The following EGF variants were observed in gnomAD, a reference collection of about 807,000 sequenced individuals.
EGF encodes pro-epidermal growth factor.
EGF carries 95 observed loss-of-function variants against 143.8 expected under a neutral mutation model. The ratio of observed to expected loss-of-function variants is 0.66; its 90% CI spans 0.56 to 0.78. EGF has a LOEUF of 0.78. Among genes scored for constraint, EGF ranks in the 30% least tolerant of loss-of-function variants. The pLI, the probability that EGF is intolerant of heterozygous loss-of-function variation, is 0.00. For missense variants in EGF, 1,320 were observed against 1,470.9 expected, an observed-to-expected ratio of 0.90 and a Z score of 1.68; for synonymous variants, 510 against 510.5, an observed-to-expected ratio of 1.00 and a Z score of 0.01.
intron 1 of EGF, 53 bp from the exon 2 acceptor site, chr4:109,940,893 A>T: frequency 6.5e-7 from 1 of 1,549,166 alleles, no homozygotes. Context: ...TATTTTGTTT[A>T]AATGAGATAA....
At chr4:109,933,533 G>A (rs550386733) in intron 1 of EGF, among the ~76,000 whole-genome samples, 2 of 151,106 alleles carry the variant, frequency 1.3e-5, no homozygotes, top group African/African-American at 4.9e-5. Flanking sequence ...TCAACTCGTC[G>A]TTTACATTAG....
intron 2 of EGF, among the ~76,000 whole-genome samples, chr4:109,942,457 G>A (rs371562909): frequency 4.3e-4 from 65 of 152,336 alleles, no homozygotes; most frequent in African/African-American, 1.5e-3. Context: ...AGGCTTATGA[G>A]ATTATGCAAT....
chr4:109,930,120 AT>A (rs1739431748), intron 1 of EGF, among the ~76,000 whole-genome samples: 1 of 151,994 alleles, frequency 6.6e-6, no homozygotes, highest in Non-Finnish European at 1.5e-5. Flanking sequence ...CATGATTGTA[AT>A]TTTCCTGAGG....
At chr4:110,010,864 C>T (rs1753907500) in intron 23 of EGF, among the ~76,000 whole-genome samples, 1 of 152,032 alleles carries the variant, frequency 6.6e-6, no homozygotes, top group Non-Finnish European at 1.5e-5. Flanking sequence ...AGTTCAAAAC[C>T]AGCCTGGCTA....
rs11569030 is a variant in EGF, at chr4:109,983,561, C to A, written c.2491+20C>A. Reference sequence around the variant, plus strand: ...TGTCAGGTATGAATAACTAGTTCTCCAATATACCTTTGGTTCCAACAGTTT... The same window carrying A: ...TGTCAGGTATGAATAACTAGTTCTCAAATATACCTTTGGTTCCAACAGTTT... On this transcript the variant is annotated intron_variant, in intron 16 of 23. Transcript: ENST00000265171. The A allele has an allele frequency of 3.0e-4, 478 of 1,613,118 alleles. No homozygotes were observed. In the African/African-American group the frequency reaches 5.7e-3, roughly 19 times the overall value.
chr4:109,934,960 T>C (rs1313740852), intron 1 of EGF, among the ~76,000 whole-genome samples: 2 of 152,194 alleles, frequency 1.3e-5, no homozygotes, highest in Admixed American at 6.5e-5. Context: ...TTTTGGTTAC[T>C]GTAGCCTTGT....
intron 1 of EGF, among the ~76,000 whole-genome samples, chr4:109,935,074 A>G (rs981576606): frequency 6.6e-6 from 1 of 152,178 alleles, no homozygotes; most frequent in African/African-American, 2.4e-5. Flanking sequence ...TGAACTTTAA[A>G]GTAGTTTTTT....
chr4:109,960,783 T>A, intron 6 of EGF, 84 bp from the exon 7 acceptor site: 4 of 1,512,158 alleles, frequency 2.6e-6, no homozygotes, highest in Non-Finnish European at 3.7e-6. Context: ...TGAGATACCC[T>A]GCGTTGTGAT....
intron 4 of EGF, 115 bp downstream of exon 4, chr4:109,944,184 T>A (rs933326548): frequency 8.2e-7 from 1 of 1,220,560 alleles, no homozygotes; most frequent in Non-Finnish European, 1.2e-6. Flanking sequence ...AGATTTTGAA[T>A]CCAAAAGACT....
At chr4:109,980,209 A>G (rs1749133235) in intron 14 of EGF, 70 bp downstream of exon 14, 5 of 1,432,068 alleles carry the variant, frequency 3.5e-6, no homozygotes, top group Admixed American at 4.4e-5. Flanking sequence ...GTTTGATGTC[A>G]TGCAGTTGGC....
chr4:109,980,209 A>T, intron 14 of EGF, 70 bp downstream of exon 14: 10 of 1,432,050 alleles, frequency 7.0e-6, no homozygotes, highest in Non-Finnish European at 9.4e-6. Flanking sequence ...GTTTGATGTC[A>T]TGCAGTTGGC....
intron 5 of EGF, among the ~76,000 whole-genome samples, chr4:109,946,764 TTGAC>T (rs372041795): frequency 1.9e-4 from 29 of 152,346 alleles, no homozygotes; most frequent in Admixed American, 4.6e-4. Flanking sequence ...GAATGAGTGA[TTGAC>T]TGAATCTAGT....
At chr4:109,961,089 G>A in intron 7 of EGF, 100 bp downstream of exon 7, 1 of 1,346,342 alleles carries the variant, frequency 7.4e-7, no homozygotes. Context: ...AATCAGCAGT[G>A]TGCATCATAA....
At chr4:109,913,995 T>A (rs1301898309) in intron 1 of EGF, among the ~76,000 whole-genome samples, 1 of 152,210 alleles carries the variant, frequency 6.6e-6, no homozygotes, top group African/African-American at 2.4e-5. Flanking sequence ...CCACTCTTAC[T>A]GTTTCTGAGG....
intron 1 of EGF, among the ~76,000 whole-genome samples, chr4:109,936,744 T>A (rs910514155): frequency 6.6e-5 from 10 of 152,336 alleles, no homozygotes; most frequent in African/African-American, 2.4e-4. Context: ...ATTGTGTCTT[T>A]GTTCTCATTG....
chr4:109,929,714 A>AT (rs11568866), intron 1 of EGF, among the ~76,000 whole-genome samples: 19,993 of 152,002 alleles, frequency 0.13, 1,948 homozygotes, highest in African/African-American at 0.27. Flanking sequence ...GTTCCAGAGC[A>AT]TTTTTTTAAT....
At chr4:109,984,475 A>G (rs977211386) in intron 16 of EGF, among the ~76,000 whole-genome samples, 3 of 152,172 alleles carry the variant, frequency 2.0e-5, no homozygotes, top group Non-Finnish European at 4.4e-5. Context: ...ACAGTCATCC[A>G]TCTGTATCCA....
chr4:109,960,919 C>T lies in EGF; in HGVS notation c.1119C>T (p.Asn373=), dbSNP rs1317317014. The T allele has an allele frequency of 1.9e-6, 3 of 1,613,832 alleles. No individual in the cohort carries two copies. The highest frequency in any genetic ancestry group is 1.7e-6 in the Non-Finnish European group (2 of 1,179,912). ...ATGGCTGTACTCTTGGGTGTAAAAA[C>T]ACCCCTGGATCCTATTACTGCACGT... ...WNHGCTLGCK[N]TPGSYYCTCP... The change falls in exon 7 of 24, where the codon AAC becomes AAT. Residue 373 remains asparagine, a synonymous_variant. Coordinates refer to ENST00000265171, the MANE Select transcript of EGF (RefSeq NM_001963.6).
chr4:109,929,219 G>C (rs981340431), intron 1 of EGF, among the ~76,000 whole-genome samples: 1 of 152,126 alleles, frequency 6.6e-6, no homozygotes, highest in Non-Finnish European at 1.5e-5. Context: ...AAAAGCTAGG[G>C]TCTGTGTTGA....
Sources: allele counts gnomAD v4.1 joint callset (sites outside exome capture counted in the v4.1 genomes callset), GRCh38; gene constraint gnomAD v4.1.1; transcripts MANE v1.5; gene names NCBI Gene and HGNC (gene_info 2026-07-23, HGNC 2026-07-21).